Variants in HPSE2 observed in about 807,000 individuals in gnomAD.
The protein encoded by HPSE2 is inactive heparanase-2.
A neutral mutation model predicts 60.5 loss-of-function variants in HPSE2; 38 were observed. The ratio of observed to expected loss-of-function variants is 0.63; its 90% CI spans 0.48 to 0.82. HPSE2 has a LOEUF of 0.82. Ranked by LOEUF, HPSE2 falls within the 40% of genes least tolerant of loss-of-function variation. HPSE2 has a pLI of 0.00. For synonymous variants in HPSE2, 295 were observed against 293.2 expected (o/e 1.01, Z -0.06); for missense variants, 713 against 740.4 (o/e 0.96, Z 0.43).
At chr10:98,775,960 C>T (rs1484110095) in intron 3 of HPSE2, among the ~76,000 whole-genome samples, 1 of 152,092 alleles carries the variant, frequency 6.6e-6, no homozygotes, top group East Asian at 1.9e-4. Context: ...TAATCATAAC[C>T]AAAACAGGTC....
chr10:98,578,772 T>G (rs1379724364), intron 9 of HPSE2, among the ~76,000 whole-genome samples: 1 of 152,178 alleles, frequency 6.6e-6, no homozygotes, highest in East Asian at 1.9e-4. Flanking sequence ...CATCTTCCTA[T>G]TCCTCTTCCC....
intron 2 of HPSE2, among the ~76,000 whole-genome samples, chr10:99,185,854 T>C (rs1160008716): frequency 2.6e-5 from 4 of 150,948 alleles, no homozygotes; most frequent in African/African-American, 7.3e-5. Flanking sequence ...TCAGAAACAA[T>C]ACAAGCAAGA....
chr10:98,681,665 G>A (rs1947790854), intron 6 of HPSE2, among the ~76,000 whole-genome samples: 1 of 152,140 alleles, frequency 6.6e-6, no homozygotes, highest in Non-Finnish European at 1.5e-5. Context: ...CTCTCTCTAT[G>A]AGGTCAAATT....
At chr10:99,138,125 C>A (rs1472770365) in intron 3 of HPSE2, among the ~76,000 whole-genome samples, 1 of 152,084 alleles carries the variant, frequency 6.6e-6, no homozygotes, top group Non-Finnish European at 1.5e-5. Context: ...ATGCAGCTAA[C>A]AGACATATGA....
At chr10:98,570,905 G>C (rs1406062072) in intron 9 of HPSE2, among the ~76,000 whole-genome samples, 1 of 152,142 alleles carries the variant, frequency 6.6e-6, no homozygotes, top group East Asian at 1.9e-4. Context: ...GTTAGTTATT[G>C]CATGTTTAAA....
chr10:98,630,935 G>C (rs991112198), intron 7 of HPSE2, among the ~76,000 whole-genome samples: 1 of 152,100 alleles, frequency 6.6e-6, no homozygotes, highest in Non-Finnish European at 1.5e-5. Flanking sequence ...CACAACTTCT[G>C]GTTGGCTAAA....
chr10:98,964,900 T>C (rs1955776067), intron 3 of HPSE2, among the ~76,000 whole-genome samples: 1 of 152,142 alleles, frequency 6.6e-6, no homozygotes, highest in Admixed American at 6.5e-5. Context: ...AGGTAAACCA[T>C]TCCTTTGGTT....
Position 99,146,920 on chromosome 10 carries a change from A to T in HPSE2, c.449-2521T>A, listed in dbSNP as rs1846079037. Among the ~76,000 whole-genome samples the T allele has an allele frequency of 2.0e-5, 3 of 152,360 alleles. No homozygotes were observed. In the South Asian group the frequency reaches 6.2e-4, roughly 32 times the overall value. ...GGATTACACACTAAAAGTGTTGAAC[A>T]GAAAAATGTAAAGAGCTTAAGTCCC... On this transcript the variant is annotated intron_variant, in intron 2 of 11. Transcript: ENST00000370552.
rs1328389208 is a variant in HPSE2 at position 98,979,588 on chromosome 10, C to A, written c.610+164650G>T. Among the ~76,000 whole-genome samples, 6 of 152,180 alleles carry A rather than the reference C, an allele frequency of 3.9e-5. No homozygotes were observed. The East Asian group carries it at 5.8e-4, about 15-fold the overall frequency. On this transcript the variant is annotated intron_variant, in intron 3 of 11. Transcript: ENST00000370552. ...GACATATTAAAGAGGTGTTTTTAAA[C>A]AGAAACATTTACTAAACAAGGTTAT...
chr10:98,563,899 C>T (rs900926324), intron 9 of HPSE2, among the ~76,000 whole-genome samples: 1 of 152,176 alleles, frequency 6.6e-6, no homozygotes, highest in Non-Finnish European at 1.5e-5. Flanking sequence ...AGGAACCTTG[C>T]TTCTGCCCCT....
chr10:99,279,772 C>T, the HPSE2 span, among the ~76,000 whole-genome samples: 15 of 152,320 alleles, frequency 9.8e-5, no homozygotes, highest in East Asian at 2.5e-3. Flanking sequence ...TGTTCCACCC[C>T]CTCAGAGATT....
intron 5 of HPSE2, among the ~76,000 whole-genome samples, chr10:98,702,000 G>T (rs753541207): frequency 6.6e-6 from 1 of 152,186 alleles, no homozygotes; most frequent in South Asian, 2.1e-4. Flanking sequence ...CCCAATAAAA[G>T]ACACAGGCTG....
chr10:99,257,878 T>C, the HPSE2 span, among the ~76,000 whole-genome samples: 1 of 152,176 alleles, frequency 6.6e-6, no homozygotes, highest in African/African-American at 2.4e-5. Flanking sequence ...CTCTATTTTG[T>C]ACTCTGTCCT....
At chr10:99,094,536 ATATATTTTTTTTTTTTT>A (rs1408343086) in intron 3 of HPSE2, among the ~76,000 whole-genome samples, 2 of 20,504 alleles carry the variant, frequency 9.8e-5, no homozygotes, top group African/African-American at 1.4e-4. Context: ...ATATATATAT[ATATATTTTTTTTTTTTT>A]TTTTTTTTTT....
intron 3 of HPSE2, among the ~76,000 whole-genome samples, chr10:98,957,651 A>G (rs796879354): frequency 5.9e-5 from 9 of 152,212 alleles, no homozygotes; most frequent in African/African-American, 1.9e-4. Flanking sequence ...TAGCTCTATT[A>G]ATAACGTGGC....
At chr10:98,542,455 G>C (rs1275724081) in intron 9 of HPSE2, among the ~76,000 whole-genome samples, 1 of 152,088 alleles carries the variant, frequency 6.6e-6, no homozygotes, top group South Asian at 2.1e-4. Flanking sequence ...TTCCTCACCA[G>C]CAATGGAACA....
chr10:98,744,795 T>A (rs540873663), intron 3 of HPSE2, among the ~76,000 whole-genome samples: 23 of 152,336 alleles, frequency 1.5e-4, no homozygotes, highest in Admixed American at 1.2e-3. Flanking sequence ...CCAGGAAGGA[T>A]AACTGGCTGG....
chr10:99,153,782 C>T (rs1457750205), intron 2 of HPSE2, among the ~76,000 whole-genome samples: 1 of 152,258 alleles, frequency 6.6e-6, no homozygotes, highest in Admixed American at 6.5e-5. Flanking sequence ...GAGAAGAAGG[C>T]TTCAGACGAT....
rs1161207554 is a variant in HPSE2, at chr10:98,680,483, G to A, written c.1004+13417C>T. 2.6e-5 allele frequency among the ~76,000 whole-genome samples: 4 copies of A among 152,096 alleles called. No individual in the cohort carries two copies. In the East Asian group the frequency reaches 5.8e-4, roughly 22 times the overall value. ...TGGACTGACTGTTTAAAGCAACAGT[G>A]GGTAAAACTGCAGGTACCTTAGCAC... On this transcript the variant is annotated intron_variant, in intron 6 of 11. Transcript: ENST00000370552.
Sources: allele counts gnomAD v4.1 joint callset (sites outside exome capture counted in the v4.1 genomes callset), GRCh38; gene constraint gnomAD v4.1.1; transcripts MANE v1.5; gene names NCBI Gene and HGNC (gene_info 2026-07-23, HGNC 2026-07-21).